DLC1: variants seen among roughly 807,000 people sequenced by gnomAD.
DLC1 encodes the protein DLC1 Rho GTPase activating protein.
A neutral mutation model predicts 140.3 loss-of-function variants in DLC1; 54 were observed. The ratio of observed to expected loss-of-function variants is 0.38; its 90% CI spans 0.31 to 0.48. The LOEUF (loss-of-function observed/expected upper bound fraction) is 0.48. DLC1 is among the 20% of genes least tolerant of loss of function. The probability of loss-of-function intolerance (pLI) is 0.96; values close to 1 mark genes in which losing one functional copy is unlikely to be tolerated. For synonymous variants in DLC1, 986 were observed against 728.1 expected, an observed-to-expected ratio of 1.35 and a Z score of -5.70; for missense variants, 2,536 against 1,907.0, an observed-to-expected ratio of 1.33 and a Z score of -6.14.
At chr8:13,541,086 G>A (rs767478228) in intron 1 of DLC1, among the ~76,000 whole-genome samples, 1 of 152,144 alleles carries the variant, frequency 6.6e-6, no homozygotes, top group Non-Finnish European at 1.5e-5. Context: ...AATTTTAAGT[G>A]TACAATCTGT....
chr8:13,513,798 C>T (rs1430140999), intron 1 of DLC1, among the ~76,000 whole-genome samples: 2 of 152,086 alleles, frequency 1.3e-5, no homozygotes, highest in African/African-American at 2.4e-5. Flanking sequence ...TAAGTAAGGA[C>T]ACAAACAGTT....
Position 13,091,308 on chromosome 8 carries a change from A to C in DLC1, c.3855+10T>G, listed in dbSNP as rs1428831039. 6.2e-7 allele frequency: 1 copy of C among 1,613,416 alleles called. No individual in the cohort carries two copies. The highest frequency in any genetic ancestry group is 1.3e-5 in the African/African-American group (1 of 74,866). ...CCTTAATAAAGGAGCCAAACTTCTC[A>C]ATTCCTTACCTGGAAAAGCTTCTTG... On this transcript the variant is annotated intron_variant, in intron 14 of 17. Transcript: ENST00000276297.
chr8:13,120,469 G>C (rs1820966241), intron 5 of DLC1, among the ~76,000 whole-genome samples: 2 of 149,444 alleles, frequency 1.3e-5, no homozygotes, highest in South Asian at 2.1e-4. Flanking sequence ...TATTACTTTG[G>C]ACACGTTTAT....
intron 2 of DLC1, among the ~76,000 whole-genome samples, chr8:13,425,234 A>G (rs897058078): frequency 6.6e-6 from 1 of 152,168 alleles, no homozygotes; most frequent in African/African-American, 2.4e-5. Context: ...ACAGGATGGG[A>G]AGAAAAATCC....
At chr8:13,446,759 G>A (rs912633118) in intron 2 of DLC1, among the ~76,000 whole-genome samples, 1 of 152,098 alleles carries the variant, frequency 6.6e-6, no homozygotes, top group African/African-American at 2.4e-5. Context: ...TGGCCAACAT[G>A]GTGAAACCCT....
intron 4 of DLC1, among the ~76,000 whole-genome samples, chr8:13,321,546 AAAAAAAAAAAAAAAAAAAAAG>A (rs1156702002): frequency 1.2e-4 from 18 of 144,998 alleles, no homozygotes; most frequent in Non-Finnish European, 2.3e-4. Context: ...CAAAAAAGAA[AAAAAAAAAAAAAAAAAAAAAG>A]AAACCTAAAC....
intron 5 of DLC1, among the ~76,000 whole-genome samples, chr8:13,123,198 C>T (rs940091196): frequency 6.6e-6 from 1 of 152,124 alleles, no homozygotes; most frequent in Non-Finnish European, 1.5e-5. Flanking sequence ...TTAGTGAGTG[C>T]CCCTTTCATT....
chr8:13,090,357 G>T lies in DLC1; in HGVS notation c.3969C>A (p.His1323Gln). 6.2e-7 allele frequency: 1 copy of T among 1,614,216 alleles called. No individual in the cohort carries two copies. Among genetic ancestry groups the T allele is most frequent in the Non-Finnish European group, 8.5e-7 (1 of 1,180,046 alleles). ...GGCCATCCACACAGTCCTGGAGGAA[G>T]TGTTGGTAGTCAGCTGAGTCATCAT... The part of the protein sequence containing the change: ...LGNDDSADYQ[H>Q]FLQDCVDGLF... The change falls in exon 15 of 18, where the codon CAC becomes CAA. Residue 1323 changes from histidine to glutamine, a missense_variant. By Grantham distance (24) the His-to-Gln change is conservative (BLOSUM62 0). Transcript: ENST00000276297.
At chr8:13,093,075 T>C (rs1818215603) in intron 12 of DLC1, among the ~76,000 whole-genome samples, 2 of 152,036 alleles carry the variant, frequency 1.3e-5, no homozygotes, top group African/African-American at 2.4e-5. Context: ...CACTCTTAAA[T>C]CCACCTCAGA....
At chr8:13,445,993 C>T (rs1179330272) in intron 2 of DLC1, among the ~76,000 whole-genome samples, 3 of 152,160 alleles carry the variant, frequency 2.0e-5, no homozygotes, top group Non-Finnish European at 4.4e-5. Context: ...CTTGGTCATA[C>T]AGTTGTTGAC....
At chr8:13,329,914 T>C (rs1474119052) in intron 4 of DLC1, among the ~76,000 whole-genome samples, 1 of 152,160 alleles carries the variant, frequency 6.6e-6, no homozygotes, top group Non-Finnish European at 1.5e-5. Context: ...TTTTATTTGT[T>C]GTAGAGTTTG....
intron 1 of DLC1, among the ~76,000 whole-genome samples, chr8:13,507,354 A>C (rs1346698738): frequency 1.3e-5 from 2 of 152,128 alleles, no homozygotes; most frequent in African/African-American, 4.8e-5. Flanking sequence ...AATAGCAAAA[A>C]CCGTAAGAGC....
At chr8:13,121,741 C>CA (rs1821093687) in intron 5 of DLC1, among the ~76,000 whole-genome samples, 1 of 152,042 alleles carries the variant, frequency 6.6e-6, no homozygotes, top group East Asian at 1.9e-4. Flanking sequence ...TTTATAGAGA[C>CA]AGAGTCTCGC....
intron 1 of DLC1, among the ~76,000 whole-genome samples, chr8:13,557,244 C>T (rs113003491): frequency 3.9e-5 from 6 of 152,068 alleles, no homozygotes; most frequent in African/African-American, 1.2e-4. Flanking sequence ...CTGAAAAAGC[C>T]AACCCACACT....
chr8:13,567,718 C>T (rs200666163), intron 1 of DLC1: 983 of 1,551,998 alleles, frequency 6.3e-4, no homozygotes, highest in Non-Finnish European at 7.7e-4. Context: ...CTTTCTCACC[C>T]GTATTGGAGA....
intron 1 of DLC1, among the ~76,000 whole-genome samples, chr8:13,552,111 G>GTATATATATATATATATATATA (rs3066465): frequency 3.3e-4 from 18 of 54,526 alleles, no homozygotes; most frequent in South Asian, 6.9e-4. Context: ...GTCTAGAGGT[G>GTATATATATATATATATATATA]TATATATATA....
At chr8:13,243,598 T>A (rs1237164619) in intron 5 of DLC1, among the ~76,000 whole-genome samples, 1 of 152,234 alleles carries the variant, frequency 6.6e-6, no homozygotes, top group Non-Finnish European at 1.5e-5. Flanking sequence ...TGCATGACAC[T>A]AACAGAGCAT....
chr8:13,133,018 G>C (rs1180894299), intron 5 of DLC1: 1 of 1,599,298 alleles, frequency 6.3e-7, no homozygotes, highest in Non-Finnish European at 8.5e-7. Flanking sequence ...CTGTGGGGAA[G>C]TCGAGGCAGG....
chr8:13,232,987 A>C (rs188449664), intron 5 of DLC1, among the ~76,000 whole-genome samples: 260 of 152,314 alleles, frequency 1.7e-3, no homozygotes, highest in African/African-American at 6.1e-3. Context: ...GGAATCATTA[A>C]AAATGTTGCA....
Sources: gnomAD v4.1 joint callset for allele counts (sites outside exome capture counted in the v4.1 genomes callset) on GRCh38, gnomAD v4.1.1 for gene constraint, MANE v1.5 for transcripts, NCBI Gene and HGNC (gene_info 2026-07-23, HGNC 2026-07-21) for gene names.